ERLIN1: variants seen among roughly 807,000 people sequenced by gnomAD.
ERLIN1 encodes erlin-1.
A neutral mutation model predicts 46.9 loss-of-function variants in ERLIN1; 24 were observed. That is an observed-to-expected ratio of 0.51 (90% CI 0.37 to 0.72). The LOEUF is 0.72. Ranked by LOEUF, ERLIN1 falls within the 30% of genes least tolerant of loss-of-function variation. The probability of loss-of-function intolerance (pLI) is 0.00; values close to 1 mark genes in which losing one functional copy is unlikely to be tolerated. For synonymous variants in ERLIN1, 158 were observed against 143.2 expected, an observed-to-expected ratio of 1.10 and a Z score of -0.74; for missense variants, 293 against 417.9, an observed-to-expected ratio of 0.70 and a Z score of 2.61.
intron 7 of ERLIN1, among the ~76,000 whole-genome samples, chr10:100,165,501 C>T (rs868532493): frequency 7.9e-5 from 12 of 151,748 alleles, no homozygotes; most frequent in South Asian, 2.1e-4. Context: ...ATTCTCCTGC[C>T]TCAGCCTCCC....
chr10:100,175,403 A>G (rs1299032639), intron 5 of ERLIN1, among the ~76,000 whole-genome samples: 2 of 152,350 alleles, frequency 1.3e-5, no homozygotes, highest in South Asian at 2.1e-4. Context: ...ACCCTGGGCA[A>G]TGAGTCTCCA....
At position 100,185,946 on chromosome 10, in the gene ERLIN1, C is replaced by T. The variant is rs1292941288; in HGVS notation, c.-320G>A. The T allele has an allele frequency of 8.6e-6, 4 of 467,826 alleles. No homozygotes were observed. Among genetic ancestry groups the T allele is most frequent in the Admixed American group, 8.1e-5 (2 of 24,796 alleles). 29.0% of individuals were successfully genotyped at this position (467,826 alleles called of 1,614,324 possible). On this transcript the variant is annotated 5_prime_UTR_variant, in exon 1 of 11. Transcript: ENST00000421367. ...GCAGGCTCGCGAGGAAAGCCGACCCCTCGGCCGCGCCTCACCGATCAGTGA... is the reference window on the plus strand; with the variant it reads ...GCAGGCTCGCGAGGAAAGCCGACCCTTCGGCCGCGCCTCACCGATCAGTGA...
chr10:100,184,244 A>G lies in ERLIN1; in HGVS notation c.114-407T>C, dbSNP rs1193712960. Among the ~76,000 whole-genome samples, 7 of 152,264 alleles carry G rather than the reference A, an allele frequency of 4.6e-5. No individual in the cohort carries two copies. In the East Asian group the frequency reaches 5.8e-4, roughly 13 times the overall value. ...ATTTAATCACCAGGTTGAAAAAAAG[A>G]CAATGCAAACTTTGAAGTAAAGAGA... On this transcript the variant is annotated intron_variant, in intron 1 of 10. Transcript: ENST00000421367.
In ERLIN1 at chr10:100,181,513, CTTTTTTTTT is replaced by C. The variant is rs34628060; in HGVS notation, c.195+2234_195+2242del. Among the ~76,000 whole-genome samples the C allele has an allele frequency of 4.3e-4, 54 of 126,976 alleles. 1 individual carries two copies. The South Asian group carries it at 0.013, about 30-fold the overall frequency. 83.3% of individuals were successfully genotyped at this position (126,976 alleles called of 152,430 possible). The stretch of plus-strand genomic sequence containing the variant: ...TATGTCTTACTCTCTTAAGAACACT[CTTTTTTTTT>C]TTTTTTTTTTGAGACGGAGTCTTCC... On this transcript the variant is annotated intron_variant, in intron 2 of 10. Transcript: ENST00000421367.
At chr10:100,165,030 A>G (rs541617405) in intron 7 of ERLIN1, among the ~76,000 whole-genome samples, 113 of 152,336 alleles carry the variant, frequency 7.4e-4, no homozygotes, top group African/African-American at 2.6e-3. Context: ...AGCATTTCGG[A>G]TAAGGGGTAC....
At chr10:100,176,178 G>A in intron 4 of ERLIN1, 108 bp from the exon 5 acceptor site, 1 of 939,392 alleles carries the variant, frequency 1.1e-6, no homozygotes, top group East Asian at 2.9e-5. Flanking sequence ...GAGGAAAAGT[G>A]CCAACAAAAT....
At chr10:100,163,703 G>A (rs1444590872) in intron 8 of ERLIN1, among the ~76,000 whole-genome samples, 1 of 152,156 alleles carries the variant, frequency 6.6e-6, no homozygotes. Context: ...TTCTTAATCT[G>A]TACAAATGAA....
At chr10:100,156,260 A>G in intron 8 of ERLIN1, 26 bp from the exon 9 acceptor site, 1 of 1,486,046 alleles carries the variant, frequency 6.7e-7, no homozygotes, top group Non-Finnish European at 9.4e-7. Flanking sequence ...ATAAGAAGAC[A>G]CATTCAAAAC....
chr10:100,161,420 T>C (rs1333150922), intron 8 of ERLIN1, among the ~76,000 whole-genome samples: 1 of 151,992 alleles, frequency 6.6e-6, no homozygotes, highest in Non-Finnish European at 1.5e-5. Flanking sequence ...TATGACACTT[T>C]TTAAAAGACA....
At chr10:100,165,385 C>G (rs1372070828) in intron 7 of ERLIN1, among the ~76,000 whole-genome samples, 2 of 130,556 alleles carry the variant, frequency 1.5e-5, no homozygotes, top group African/African-American at 3.0e-5. Flanking sequence ...CAGAAGCAAT[C>G]TTTTTTTTTT....
At chr10:100,154,019 T>A (rs1842938520) in intron 10 of ERLIN1, among the ~76,000 whole-genome samples, 1 of 152,348 alleles carries the variant, frequency 6.6e-6, no homozygotes, top group South Asian at 2.1e-4. Flanking sequence ...CCTGTCTATA[T>A]CTTAAAACTT....
intron 7 of ERLIN1, 47 bp downstream of exon 7, chr10:100,167,301 C>A (rs750426085): frequency 7.5e-7 from 1 of 1,331,058 alleles, no homozygotes; most frequent in Non-Finnish European, 1.1e-6. Context: ...TATTAATATG[C>A]AGACAGCCCT....
intron 7 of ERLIN1, among the ~76,000 whole-genome samples, chr10:100,166,466 G>A (rs1843647355): frequency 6.6e-6 from 1 of 151,834 alleles, no homozygotes; most frequent in African/African-American, 2.4e-5. Context: ...ATAAAACTCT[G>A]TATGAGCTCA....
intron 10 of ERLIN1, among the ~76,000 whole-genome samples, chr10:100,152,588 T>A (rs997844820): frequency 6.6e-6 from 1 of 152,204 alleles, no homozygotes; most frequent in Non-Finnish European, 1.5e-5. Context: ...CACTTTTTAA[T>A]AAAAGGATGG....
chr10:100,155,875 T>C (rs1049708279), intron 9 of ERLIN1, among the ~76,000 whole-genome samples: 3 of 152,218 alleles, frequency 2.0e-5, no homozygotes, highest in Admixed American at 1.3e-4. Context: ...TTTCATACCT[T>C]GTCTGCCTGA....
rs767470324 is a variant in ERLIN1 at position 100,174,262 on chromosome 10, C to G, written c.450G>C (p.Leu150=). 5 of 1,560,592 alleles carry G rather than the reference C, an allele frequency of 3.2e-6. No individual in the cohort carries two copies. In the East Asian group the frequency reaches 1.2e-4, roughly 37 times the overall value. ...IELFDQIDEN[L]KQALQKDLNL... Reference sequence around the variant, plus strand: ...TTAAGTCTTTCTGCAGAGCTTGCTTCAGGTTTTCATCTATTTGATCTGTTT... The same window carrying G: ...TTAAGTCTTTCTGCAGAGCTTGCTTGAGGTTTTCATCTATTTGATCTGTTT... Residue 150 remains leucine, a synonymous_variant, in exon 6 of 11, where the codon CTG becomes CTC. Coordinates refer to ENST00000421367, the MANE Select transcript of ERLIN1 (RefSeq NM_006459.4).
At chr10:100,159,147 A>G (rs1381005315) in intron 8 of ERLIN1, among the ~76,000 whole-genome samples, 1 of 152,222 alleles carries the variant, frequency 6.6e-6, no homozygotes, top group Non-Finnish European at 1.5e-5. Context: ...TGGTATAGCT[A>G]TATTATCAGG....
intron 4 of ERLIN1, among the ~76,000 whole-genome samples, chr10:100,176,762 T>C (rs1844331759): frequency 6.6e-6 from 1 of 152,212 alleles, no homozygotes; most frequent in African/African-American, 2.4e-5. Context: ...TGCTGCTTTC[T>C]ACTTCTGTCT....
chr10:100,176,631 TA>T, intron 4 of ERLIN1, among the ~76,000 whole-genome samples: 1 of 152,328 alleles, frequency 6.6e-6, no homozygotes, highest in East Asian at 1.9e-4. Flanking sequence ...GTAATTTACA[TA>T]AATTAGCACT....
Sources: allele counts gnomAD v4.1 joint callset (sites outside exome capture counted in the v4.1 genomes callset), GRCh38; gene constraint gnomAD v4.1.1; transcripts MANE v1.5; gene names NCBI Gene and HGNC (gene_info 2026-07-23, HGNC 2026-07-21).